IL4R: variants seen among roughly 807,000 people sequenced by gnomAD.
The protein encoded by IL4R is interleukin-4 receptor subunit alpha.
In IL4R, 17 loss-of-function variants were observed where a neutral mutation model predicts 41.5. The observed-to-expected ratio is 0.41, with a 90% CI of 0.28 to 0.61. IL4R has a LOEUF of 0.61. IL4R is among the 20% of genes least tolerant of loss of function. The probability of loss-of-function intolerance (pLI) is 0.31; values close to 1 mark genes in which losing one functional copy is unlikely to be tolerated. For synonymous variants in IL4R, 402 were observed against 422.9 expected (o/e 0.95, Z 0.61); for missense variants, 974 against 1,043.1 (o/e 0.93, Z 0.91).
chr16:27,360,716 C>T, intron 9 of IL4R, 50 bp from the exon 10 acceptor site: 1 of 1,613,034 alleles, frequency 6.2e-7, no homozygotes, highest in Non-Finnish European at 8.5e-7. Context: ...GTACTCCAGG[C>T]CGGGCTGCAA....
At chr16:27,322,655 A>C (rs2084847683) in intron 1 of IL4R, among the ~76,000 whole-genome samples, 1 of 152,178 alleles carries the variant, frequency 6.6e-6, no homozygotes, top group Non-Finnish European at 1.5e-5. Context: ...GGCCGCAGTG[A>C]GCTATGATTG....
intron 4 of IL4R, among the ~76,000 whole-genome samples, chr16:27,343,685 C>A (rs1489989792): frequency 1.3e-5 from 2 of 152,196 alleles, no homozygotes; most frequent in Non-Finnish European, 1.5e-5. Flanking sequence ...GCCTCAGCGT[C>A]CCAAAGTGCT....
intron 2 of IL4R, among the ~76,000 whole-genome samples, chr16:27,331,852 G>T (rs1220737933): frequency 6.6e-6 from 1 of 152,006 alleles, no homozygotes; most frequent in East Asian, 1.9e-4. Context: ...GCTGCTCTCA[G>T]TTTTTGCCTT....
chr16:27,344,533 A>C (rs1215364952), intron 4 of IL4R, among the ~76,000 whole-genome samples: 2 of 152,184 alleles, frequency 1.3e-5, no homozygotes, highest in Non-Finnish European at 2.9e-5. Flanking sequence ...TGTGCGATGC[A>C]GAGCTTATGT....
At position 27,362,452 on chromosome 16, in the gene IL4R, C is replaced by A. The variant is rs141632606; in HGVS notation, c.1100C>A (p.Ala367Asp). ...GTGCGATGTGTGGAGTTGTTTGAGG[C>A]CCCGGTGGAGTGTGAGGAGGAGGAG... ...SVVRCVELFE[A>D]PVECEEEEEV... Residue 367 changes from alanine to aspartate, a missense_variant, in exon 11 of 11, where the codon GCC becomes GAC. Physicochemically the swap from Ala to Asp is moderately radical, Grantham distance 126. Around this residue, in one of 3 missense-constraint regions of IL4R, gnomAD observed 682 missense variants for 704.3 expected, o/e 0.97. Coordinates refer to ENST00000395762, the MANE Select transcript of IL4R (RefSeq NM_000418.4). 5.9e-5 allele frequency: 96 copies of A among 1,614,014 alleles called. No homozygotes were observed. The African/African-American group carries it at 1.2e-3, about 21-fold the overall frequency.
intron 2 of IL4R, among the ~76,000 whole-genome samples, chr16:27,337,233 G>A (rs2085287945): frequency 6.6e-6 from 1 of 152,116 alleles, no homozygotes; most frequent in African/African-American, 2.4e-5. Context: ...CAAGTCACTC[G>A]GAGAGCATCC....
chr16:27,332,527 C>T (rs2085140339), intron 2 of IL4R, among the ~76,000 whole-genome samples: 1 of 152,122 alleles, frequency 6.6e-6, no homozygotes, highest in South Asian at 2.1e-4. Context: ...CAGAGCCAGG[C>T]CATATCACAT....
intron 1 of IL4R, among the ~76,000 whole-genome samples, chr16:27,319,952 C>T (rs2084763163): frequency 6.6e-6 from 1 of 152,136 alleles, no homozygotes; most frequent in South Asian, 2.1e-4. Context: ...TCACTGCAAT[C>T]TCCACCTCCC....
At position 27,364,111 on chromosome 16, in the gene IL4R, G is replaced by A. The variant is rs2086416673; in HGVS notation, c.*281G>A. On this transcript the variant is annotated 3_prime_UTR_variant, in exon 11 of 11. Transcript: ENST00000395762. Reference sequence around the variant, plus strand: ...CCTGCAGGAAAACTGAGGCCCTTGGGCACCTCGACTTGTGAACGAGTTGTT... The same window carrying A: ...CCTGCAGGAAAACTGAGGCCCTTGGACACCTCGACTTGTGAACGAGTTGTT... 2.5e-6 allele frequency: 1 copy of A among 405,954 alleles called. No individual in the cohort carries two copies. Among genetic ancestry groups the A allele is most frequent in the Non-Finnish European group, 4.4e-6 (1 of 225,748 alleles). The allele number at this position is 405,954 out of a possible 1,614,324, so 25.1% of individuals were successfully genotyped here.
At chr16:27,316,237 G>A (rs549350146) in intron 1 of IL4R, among the ~76,000 whole-genome samples, 72 of 152,240 alleles carry the variant, frequency 4.7e-4, no homozygotes, top group Non-Finnish European at 8.7e-4. Flanking sequence ...AGGCGTGGTA[G>A]CAGGTGCCTC....
In IL4R at chr16:27,363,623, C is replaced by A; in HGVS notation, c.2271C>A (p.Thr757=). 6.2e-7 allele frequency: 1 copy of A among 1,613,900 alleles called. No individual in the cohort carries two copies. Among genetic ancestry groups the A allele is most frequent in the Non-Finnish European group, 8.5e-7 (1 of 1,179,920 alleles). The change falls in exon 11 of 11, where the codon ACC becomes ACA. Residue 757 remains threonine (T), a synonymous_variant. Transcript: ENST00000395762. ...CCGDRSSPPT[T]PLRAPDPSPG... The stretch of plus-strand genomic sequence containing the variant: ...GAGACAGGTCCTCGCCCCCTACAAC[C>A]CCCCTGAGGGCCCCAGACCCCTCTC...
chr16:27,318,391 A>C (rs1322392223), intron 1 of IL4R, among the ~76,000 whole-genome samples: 1 of 152,180 alleles, frequency 6.6e-6, no homozygotes, highest in East Asian at 1.9e-4. Flanking sequence ...AGGAAAGCAA[A>C]GCTGGGTGCA....
intron 2 of IL4R, among the ~76,000 whole-genome samples, chr16:27,339,027 G>A (rs1270693104): frequency 2.0e-5 from 3 of 151,914 alleles, no homozygotes; most frequent in African/African-American, 7.2e-5. Context: ...GCTAGTTTTT[G>A]TATTTTTAGT....
intron 2 of IL4R, among the ~76,000 whole-genome samples, chr16:27,335,277 T>C (rs901640008): frequency 6.6e-5 from 10 of 152,196 alleles, no homozygotes; most frequent in African/African-American, 2.4e-4. Flanking sequence ...TTCATTGATA[T>C]GTATTTTCAC....
rs558141451 is a variant in IL4R, at chr16:27,336,816, C to T, written c.-18-3370C>T. On this transcript the variant is annotated intron_variant, in intron 2 of 10. Transcript: ENST00000395762. ...GGTGGCAGCCGGGCTCAGTGGCTCA[C>T]GCCTGTAATCCCAGCACTTTGGGAG... is the stretch of plus-strand genomic sequence containing the variant. Among the ~76,000 whole-genome samples, 44 of 151,918 alleles carry T rather than the reference C, an allele frequency of 2.9e-4. No homozygotes were observed. The East Asian group carries it at 2.9e-3, about 10-fold the overall frequency.
chr16:27,330,448 T>C (rs2085082862), intron 2 of IL4R, among the ~76,000 whole-genome samples: 1 of 151,908 alleles, frequency 6.6e-6, no homozygotes. Flanking sequence ...GCTTCTATGC[T>C]GTTCCCCCCG....
upstream of IL4R, chr16:27,313,781 C>CGGCGGCGG: frequency 2.6e-6 from 1 of 388,168 alleles, no homozygotes; most frequent in African/African-American, 2.2e-5. Context: ...CTCGGACTGT[C>CGGCGGCGG]CGGCGGCGGC....
chr16:27,357,794 A>G (rs558509846), intron 8 of IL4R, among the ~76,000 whole-genome samples: 2 of 152,012 alleles, frequency 1.3e-5, no homozygotes, highest in East Asian at 3.9e-4. Flanking sequence ...ACTGGCTGTC[A>G]CTTATGTAGC....
At chr16:27,344,420 A>G (rs1055174624) in intron 4 of IL4R, among the ~76,000 whole-genome samples, 31 of 151,278 alleles carry the variant, frequency 2.0e-4, no homozygotes, top group Admixed American at 2.0e-4. Context: ...AATATTAACT[A>G]TCTGGCCTGT....
Sources: allele counts gnomAD v4.1 joint callset (sites outside exome capture counted in the v4.1 genomes callset), GRCh38; gene constraint gnomAD v4.1.1; regional missense constraint gnomAD v4.1.1; transcripts MANE v1.5; gene names NCBI Gene and HGNC (gene_info 2026-07-23, HGNC 2026-07-21).